Variants in PPP1R9A observed in about 807,000 individuals in gnomAD.
PPP1R9A encodes protein phosphatase 1 regulatory subunit 9A.
In PPP1R9A, 59 loss-of-function variants were observed where a neutral mutation model predicts 141.9. The observed-to-expected ratio is 0.42, with a 90% CI of 0.34 to 0.52. The LOEUF (loss-of-function observed/expected upper bound fraction) is 0.52. Among genes scored for constraint, PPP1R9A ranks in the 20% least tolerant of loss-of-function variants. PPP1R9A has a pLI of 0.10. For synonymous variants in PPP1R9A, 500 were observed against 569.7 expected (o/e 0.88, Z 1.74); for missense variants, 1,444 against 1,611.9 (o/e 0.90, Z 1.78).
chr7:94,945,256 G>A (rs2150981751), intron 2 of PPP1R9A, among the ~76,000 whole-genome samples: 1 of 152,186 alleles, frequency 6.6e-6, no homozygotes, highest in African/African-American at 2.4e-5. Context: ...TTTTAAAAAT[G>A]AGGGTGATTA....
intron 7 of PPP1R9A, among the ~76,000 whole-genome samples, chr7:95,215,413 A>G (rs1793139295): frequency 6.6e-6 from 1 of 152,106 alleles, no homozygotes; most frequent in East Asian, 1.9e-4. Context: ...GCTATTGTGA[A>G]TAGTGCCACA....
intron 2 of PPP1R9A, among the ~76,000 whole-genome samples, chr7:94,986,423 A>G (rs1273420423): frequency 1.3e-5 from 2 of 152,172 alleles, no homozygotes; most frequent in African/African-American, 2.4e-5. Context: ...TCTCACTCAT[A>G]TATAGGAGCT....
intron 16 of PPP1R9A, among the ~76,000 whole-genome samples, chr7:95,278,396 A>AG (rs1257596017): frequency 1.3e-5 from 2 of 152,188 alleles, no homozygotes; most frequent in African/African-American, 4.8e-5. Context: ...TTGGGTTTGG[A>AG]GGGTAAATAA....
intron 2 of PPP1R9A, among the ~76,000 whole-genome samples, chr7:95,084,005 C>T (rs145252714): frequency 7.9e-5 from 12 of 152,040 alleles, no homozygotes; most frequent in South Asian, 6.2e-4. Context: ...AAAATAAAGA[C>T]GACAGCAGAT....
intron 2 of PPP1R9A, among the ~76,000 whole-genome samples, chr7:94,953,964 CT>C (rs1202583842): frequency 4.6e-5 from 7 of 151,106 alleles, no homozygotes; most frequent in African/African-American, 1.2e-4. Flanking sequence ...TTTCTCTTGC[CT>C]GATTGTCCTG....
At chr7:95,231,425 A>G (rs1162645068) in intron 8 of PPP1R9A, among the ~76,000 whole-genome samples, 1 of 152,136 alleles carries the variant, frequency 6.6e-6, no homozygotes, top group Non-Finnish European at 1.5e-5. Context: ...GGAACATTCT[A>G]CCCAACAATT....
In PPP1R9A at chr7:94,954,212, A is replaced by G. The variant is rs796261966; in HGVS notation, c.1395+42704A>G. 6.0e-4 allele frequency among the ~76,000 whole-genome samples: 91 copies of G among 151,876 alleles called. 1 individual carries two copies. Among genetic ancestry groups the G allele is most frequent in the African/African-American group, 2.1e-3 (87 of 41,424 alleles). Reference sequence around the variant, plus strand: ...AGACTAAATTTTACTGCTTAGCTGCATCTCGCAAGTTTTTATATTTGTATG... The same window carrying G: ...AGACTAAATTTTACTGCTTAGCTGCGTCTCGCAAGTTTTTATATTTGTATG... On this transcript the variant is annotated intron_variant, in intron 2 of 19. Coordinates refer to ENST00000433360, the MANE Select transcript of PPP1R9A (RefSeq NM_001166160.2).
chr7:95,181,318 A>T (rs1305937713), intron 5 of PPP1R9A, among the ~76,000 whole-genome samples: 65 of 140,262 alleles, frequency 4.6e-4, no homozygotes, highest in Non-Finnish European at 4.2e-4. Flanking sequence ...ATATATATAG[A>T]ATATATATAT....
intron 8 of PPP1R9A, among the ~76,000 whole-genome samples, chr7:95,245,133 T>C (rs889860487): frequency 2.0e-5 from 3 of 152,216 alleles, no homozygotes; most frequent in African/African-American, 7.2e-5. Context: ...CACATAGCCA[T>C]GTATGTTTGT....
chr7:94,981,008 A>C (rs965153532), intron 2 of PPP1R9A, among the ~76,000 whole-genome samples: 1 of 152,194 alleles, frequency 6.6e-6, no homozygotes, highest in Non-Finnish European at 1.5e-5. Context: ...AGTGGAAGAG[A>C]TAATAAGCAA....
rs561111997 is a variant in PPP1R9A, at chr7:95,252,788, C to A, written c.2665+658C>A. On this transcript the variant is annotated intron_variant, in intron 12 of 19. Transcript: ENST00000433360. ...CAGCCAAGCTTTAGAATGTTTAAGTCACTAGAATAAAGATCTTTTTCATAA... is the reference window on the plus strand; with the variant it reads ...CAGCCAAGCTTTAGAATGTTTAAGTAACTAGAATAAAGATCTTTTTCATAA... Among the ~76,000 whole-genome samples, 145 of 152,186 alleles carry A rather than the reference C, an allele frequency of 9.5e-4. 1 individual carries two copies. Among genetic ancestry groups the A allele is most frequent in the Admixed American group, 9.3e-3 (142 of 15,272 alleles).
intron 5 of PPP1R9A, among the ~76,000 whole-genome samples, chr7:95,180,341 C>T (rs550214629): frequency 7.9e-5 from 12 of 152,254 alleles, no homozygotes; most frequent in Middle Eastern, 3.4e-3. Context: ...GAGAATGAAA[C>T]TGGATCCTCA....
At chr7:94,908,898 G>GTGTGTC (rs1160068577) in intron 1 of PPP1R9A, among the ~76,000 whole-genome samples, 2 of 152,342 alleles carry the variant, frequency 1.3e-5, no homozygotes, top group African/African-American at 4.8e-5. Context: ...AAGTGAAAGT[G>GTGTGTC]TGTGCCTCCT....
At chr7:94,995,191 G>A (rs1293131214) in intron 2 of PPP1R9A, among the ~76,000 whole-genome samples, 2 of 151,966 alleles carry the variant, frequency 1.3e-5, no homozygotes, top group African/African-American at 4.8e-5. Context: ...TTTTTCAAGA[G>A]AAATGGCCTC....
chr7:95,036,780 A>G (rs1808480782), intron 2 of PPP1R9A: 1 of 152,202 alleles, frequency 6.6e-6, no homozygotes, highest in South Asian at 2.1e-4. Context: ...CCAGAATTTG[A>G]ACTGCAAGAG....
Position 95,089,732 on chromosome 7 carries a change from T to TC in PPP1R9A, c.1396-21526dup, listed in dbSNP as rs11426830. On this transcript the variant is annotated intron_variant, in intron 2 of 19. Transcript: ENST00000433360. The stretch of plus-strand genomic sequence containing the variant: ...TATTTTAGAAGCTCGTTTTTTTTTT[T>TC]CTGAATTAAACTAACTTATAATATT... 4.6e-5 allele frequency among the ~76,000 whole-genome samples: 7 copies of TC among 151,758 alleles called. 1 individual carries two copies. The highest frequency in any genetic ancestry group is 1.7e-4 in the African/African-American group (7 of 41,126).
chr7:95,217,315 A>G (rs1479942323), intron 7 of PPP1R9A, among the ~76,000 whole-genome samples: 1 of 152,202 alleles, frequency 6.6e-6, no homozygotes, highest in Non-Finnish European at 1.5e-5. Flanking sequence ...CCAGTGATGA[A>G]GCCCACTTGA....
chr7:95,237,180 T>TATA (rs369840738), intron 8 of PPP1R9A, among the ~76,000 whole-genome samples: 4,216 of 133,238 alleles, frequency 0.032, 73 homozygotes, highest in Middle Eastern at 0.042. Flanking sequence ...TATATATATA[T>TATA]TTTTTTTTTT....
At chr7:94,939,704 G>C (rs999915234) in intron 2 of PPP1R9A, among the ~76,000 whole-genome samples, 1 of 151,590 alleles carries the variant, frequency 6.6e-6, no homozygotes, top group African/African-American at 2.4e-5. Context: ...GGTGAACATT[G>C]ACTGGGAGGA....
Sources: gnomAD v4.1 joint callset for allele counts (sites outside exome capture counted in the v4.1 genomes callset) on GRCh38, gnomAD v4.1.1 for gene constraint, MANE v1.5 for transcripts, NCBI Gene and HGNC (gene_info 2026-07-23, HGNC 2026-07-21) for gene names.